The following ATP6V0D1 variants were observed in gnomAD, a reference collection of about 807,000 sequenced individuals.
The protein encoded by ATP6V0D1 is ATPase H+ transporting V0 subunit d1.
In ATP6V0D1, 13 loss-of-function variants were observed where a neutral mutation model predicts 39.0. The ratio of observed to expected loss-of-function variants is 0.33; its 90% confidence interval spans 0.22 to 0.53. ATP6V0D1 has a LOEUF of 0.53. ATP6V0D1 is among the 20% of genes least tolerant of loss of function. The pLI is 0.94. For synonymous variants in ATP6V0D1, 191 were observed against 191.2 expected, an observed-to-expected ratio of 1.00 and a Z score of 0.01; for missense variants, 272 against 470.9, an observed-to-expected ratio of 0.58 and a Z score of 3.91.
At position 67,453,222 on chromosome 16, in the gene ATP6V0D1, G is replaced by C. The variant is rs1480604811; in HGVS notation, c.302+322C>G. ...CAGGTTTCCCTGCCCCAGTCTATGT[G>C]ACTGGGGGAAGAGGCTTCATCCAGC... On this transcript the variant is annotated intron_variant, in intron 2 of 7. Transcript: ENST00000290949. This position sits in a 1 kb window ranked among gnomAD's most constrained non-coding sequence, Gnocchi z 4.1. 6.6e-6 allele frequency among the ~76,000 whole-genome samples: 1 copy of C among 151,788 alleles called. No individual in the cohort carries two copies. Among genetic ancestry groups the C allele is most frequent in the East Asian group, 1.9e-4 (1 of 5,194 alleles).
At chr16:67,451,319 C>T (rs909967949) in intron 2 of ATP6V0D1, among the ~76,000 whole-genome samples, 1 of 152,002 alleles carries the variant, frequency 6.6e-6, no homozygotes, top group South Asian at 2.1e-4. Flanking sequence ...GAAAAGTGCT[C>T]GAATGATGGA....
At chr16:67,445,848 C>G (rs1482321404) in intron 2 of ATP6V0D1, 1 of 446,372 alleles carries the variant, frequency 2.2e-6, no homozygotes, top group East Asian at 7.0e-5. Context: ...AAGCCCCATT[C>G]CACAGTTAGG....
At chr16:67,479,638 T>C (rs2041447201) in intron 1 of ATP6V0D1, among the ~76,000 whole-genome samples, 1 of 152,254 alleles carries the variant, frequency 6.6e-6, no homozygotes, top group African/African-American at 2.4e-5. Context: ...AATAAATGAC[T>C]TTTTCATTTG....
intron 2 of ATP6V0D1, among the ~76,000 whole-genome samples, chr16:67,450,002 G>A (rs942386188): frequency 6.6e-6 from 1 of 152,134 alleles, no homozygotes; most frequent in African/African-American, 2.4e-5. Flanking sequence ...CTGAGGGATG[G>A]AGCTAAGGTG....
intron 2 of ATP6V0D1, among the ~76,000 whole-genome samples, chr16:67,449,736 C>T (rs1414893276): frequency 2.0e-5 from 3 of 152,262 alleles, no homozygotes; most frequent in Non-Finnish European, 4.4e-5. Flanking sequence ...GCTCACAGTC[C>T]TCTCCAGGCA....
chr16:67,452,569 A>C (rs1397193970), intron 2 of ATP6V0D1: 3 of 689,146 alleles, frequency 4.4e-6, no homozygotes, highest in Non-Finnish European at 7.8e-6. Flanking sequence ...ATACCCAGAG[A>C]GCTCAGGGAA....
intron 1 of ATP6V0D1, among the ~76,000 whole-genome samples, chr16:67,466,995 C>A (rs1019922267): frequency 2.0e-5 from 3 of 152,144 alleles, no homozygotes; most frequent in African/African-American, 7.2e-5. Flanking sequence ...TACACTCTTG[C>A]TCTCCCTCTC....
chr16:67,443,263 C>T lies in ATP6V0D1; in HGVS notation c.482-85G>A, dbSNP rs2041075144. The T allele has an allele frequency of 3.5e-6, 5 of 1,416,276 alleles. No homozygotes were observed. The African/African-American group carries it at 4.2e-5, about 12-fold the overall frequency. 87.7% of individuals were successfully genotyped at this position (1,416,276 alleles called of 1,614,324 possible). A position where few individuals can be genotyped will look rare whatever the true frequency, so the allele number is the denominator to read the frequency against. On this transcript the variant is annotated intron_variant, in intron 3 of 7. Coordinates refer to ENST00000290949, the MANE Select transcript of ATP6V0D1 (RefSeq NM_004691.5). ...CAAATGCCCTACACGGCACAGAGTG[C>T]CCGTGCCACAAGGCCCACAGGGCTG... is the stretch of plus-strand genomic sequence containing the variant.
At chr16:67,465,278 TG>T (rs2041320342) in intron 1 of ATP6V0D1, among the ~76,000 whole-genome samples, 1 of 152,088 alleles carries the variant, frequency 6.6e-6, no homozygotes, top group South Asian at 2.1e-4. Flanking sequence ...GCTTACATGG[TG>T]TTCAGGTGCC....
At chr16:67,460,612 T>A (rs2041281673) in intron 1 of ATP6V0D1, among the ~76,000 whole-genome samples, 1 of 152,140 alleles carries the variant, frequency 6.6e-6, no homozygotes, top group Non-Finnish European at 1.5e-5. Context: ...GTAACACCAA[T>A]TGACTGAGTA....
At chr16:67,450,714 GTTTT>G (rs1175118981) in intron 2 of ATP6V0D1, among the ~76,000 whole-genome samples, 1 of 152,154 alleles carries the variant, frequency 6.6e-6, no homozygotes, top group Non-Finnish European at 1.5e-5. Flanking sequence ...CCCACGAGAT[GTTTT>G]TTAATTATTT....
chr16:67,446,112 C>T, intron 2 of ATP6V0D1: 1 of 353,786 alleles, frequency 2.8e-6, no homozygotes, highest in Non-Finnish European at 5.7e-6. Flanking sequence ...CCAGAGAAGA[C>T]CTTGGTAGGA....
chr16:67,459,616 G>A (rs992595092), intron 1 of ATP6V0D1, among the ~76,000 whole-genome samples: 1 of 152,250 alleles, frequency 6.6e-6, no homozygotes, highest in African/African-American at 2.4e-5. Flanking sequence ...CCCCAGACAG[G>A]CCTTGAGAGG....
intron 1 of ATP6V0D1, among the ~76,000 whole-genome samples, chr16:67,465,563 T>C (rs982131959): frequency 6.6e-6 from 1 of 152,192 alleles, no homozygotes; most frequent in East Asian, 1.9e-4. Flanking sequence ...CCAAGACCCA[T>C]GGGTTCATAG....
rs2041085996 is a variant in ATP6V0D1 at position 67,444,031 on chromosome 16, G to A, written c.481+497C>T. Among the ~76,000 whole-genome samples, 1 of 152,232 alleles carries A rather than the reference G, an allele frequency of 6.6e-6. No homozygotes were observed. The highest frequency in any genetic ancestry group is 1.5e-5 in the Non-Finnish European group (1 of 68,046). On this transcript the variant is annotated intron_variant, in intron 3 of 7. Coordinates refer to ENST00000290949, the MANE Select transcript of ATP6V0D1 (RefSeq NM_004691.5). The surrounding 1 kb of genome is among the most constrained non-coding windows in gnomAD (Gnocchi z 4.8). ...GGAAGCTCTTGATTCCCCTTCCCTG[G>A]CTTCTGATACGGACCTTGCATCCTG... is the stretch of plus-strand genomic sequence containing the variant.
chr16:67,473,991 C>T (rs2041395803), intron 1 of ATP6V0D1, among the ~76,000 whole-genome samples: 1 of 152,116 alleles, frequency 6.6e-6, no homozygotes, highest in African/African-American at 2.4e-5. Flanking sequence ...AAAATAAAGC[C>T]CATACCCATT....
intron 2 of ATP6V0D1, among the ~76,000 whole-genome samples, chr16:67,451,548 G>A (rs2142310969): frequency 6.6e-6 from 1 of 152,298 alleles, no homozygotes; most frequent in African/African-American, 2.4e-5. Context: ...AGCCATCAGT[G>A]GGGATGGCTG....
At chr16:67,461,356 C>T (rs2041288064) in intron 1 of ATP6V0D1, among the ~76,000 whole-genome samples, 1 of 152,234 alleles carries the variant, frequency 6.6e-6, no homozygotes, top group East Asian at 1.9e-4. Flanking sequence ...CCCAAACCTA[C>T]ATCTCACCTA....
At chr16:67,438,770 A>G in intron 7 of ATP6V0D1, 23 bp downstream of exon 7, 1 of 1,614,078 alleles carries the variant, frequency 6.2e-7, no homozygotes, top group Non-Finnish European at 8.5e-7. Context: ...CCTCCCTCTG[A>G]CAAGCAGACC....
Sources: allele counts gnomAD v4.1 joint callset (sites outside exome capture counted in the v4.1 genomes callset), GRCh38; gene constraint gnomAD v4.1.1; non-coding constraint Gnocchi (gnomAD v3.1); transcripts MANE v1.5; gene names NCBI Gene and HGNC (gene_info 2026-07-23, HGNC 2026-07-21).